The following DYDC2 variants were observed in gnomAD, a reference collection of about 807,000 sequenced individuals.
DYDC2 encodes the protein DPY30 domain-containing protein 2.
A neutral mutation model predicts 18.7 loss-of-function variants in DYDC2; 19 were observed. The observed-to-expected ratio is 1.02, with a 90% CI of 0.71 to 1.49. DYDC2 has a LOEUF of 1.49. Among genes scored for constraint, DYDC2 ranks in the 40% most tolerant of loss-of-function variants. The pLI, the probability that DYDC2 is intolerant of heterozygous loss-of-function variation, is 0.00. For synonymous variants in DYDC2, 63 were observed against 67.6 expected (o/e 0.93, Z 0.34); for missense variants, 179 against 205.1 (o/e 0.87, Z 0.78).
chr10:80,359,988 C>T (rs1325047767), intron 2 of DYDC2, among the ~76,000 whole-genome samples: 1 of 152,206 alleles, frequency 6.6e-6, no homozygotes, highest in Non-Finnish European at 1.5e-5. Flanking sequence ...GGCACCAAGG[C>T]CGAGGAGGTG....
At chr10:80,364,099 A>T (rs1436119409) in intron 4 of DYDC2, among the ~76,000 whole-genome samples, 2 of 152,082 alleles carry the variant, frequency 1.3e-5, no homozygotes, top group Non-Finnish European at 2.9e-5. Flanking sequence ...TGTGCATTAA[A>T]GTCTTTAATG....
chr10:80,345,742 T>C (rs1014060023), intron 1 of DYDC2, among the ~76,000 whole-genome samples: 7 of 152,210 alleles, frequency 4.6e-5, no homozygotes, highest in African/African-American at 1.7e-4. Context: ...GTTTCATCCA[T>C]GTCATCACAA....
At chr10:80,361,291 A>G (rs1392209062) in intron 2 of DYDC2, among the ~76,000 whole-genome samples, 1 of 152,158 alleles carries the variant, frequency 6.6e-6, no homozygotes, top group African/African-American at 2.4e-5. Context: ...TGTTTTATGT[A>G]CCATAAGAAG....
rs192594689 is a variant in DYDC2 at position 80,346,686 on chromosome 10, T to A, written c.-310+1871T>A. 5.9e-4 allele frequency among the ~76,000 whole-genome samples: 89 copies of A among 151,544 alleles called. 2 individuals are homozygous for A. The highest frequency in any genetic ancestry group is 2.1e-3 in the African/African-American group (88 of 41,342). On this transcript the variant is annotated intron_variant, in intron 1 of 4. Transcript: ENST00000372197. ...CATGTTAGCTAGGATGGTCTCAATC[T>A]CCTGACTTTGTGATCTGCCCGCCTC...
intron 4 of DYDC2, among the ~76,000 whole-genome samples, chr10:80,365,000 TTGG>T (rs1843782868): frequency 6.6e-6 from 1 of 152,236 alleles, no homozygotes. Context: ...CTCCTTGCTA[TTGG>T]TCACCTTCAC....
At chr10:80,358,427 C>A (rs1468319568) in intron 2 of DYDC2, among the ~76,000 whole-genome samples, 1 of 152,220 alleles carries the variant, frequency 6.6e-6, no homozygotes, top group African/African-American at 2.4e-5. Context: ...CTCCAGCCCT[C>A]AGATTATGGC....
chr10:80,359,842 AC>A (rs1843609535), intron 2 of DYDC2, among the ~76,000 whole-genome samples: 1 of 151,998 alleles, frequency 6.6e-6, no homozygotes, highest in Non-Finnish European at 1.5e-5. Flanking sequence ...CGAGTGCCAC[AC>A]GCGGCCCCAT....
chr10:80,349,786 A>G (rs1842880558), intron 1 of DYDC2, among the ~76,000 whole-genome samples: 2 of 152,228 alleles, frequency 1.3e-5, no homozygotes, highest in South Asian at 4.1e-4. Context: ...TTCCTCACAC[A>G]TGAGCAAAAC....
rs993718463 is a variant in DYDC2 at position 80,366,653 on chromosome 10, A to C, written c.271-35A>C. 1.9e-6 allele frequency: 3 copies of C among 1,567,712 alleles called. No homozygotes were observed. In the African/African-American group the frequency reaches 4.1e-5, roughly 22 times the overall value. On this transcript the variant is annotated intron_variant, in intron 4 of 4. Coordinates refer to ENST00000256039, the MANE Select transcript of DYDC2 (RefSeq NM_032372.6). The stretch of plus-strand genomic sequence containing the variant: ...TACATCTTGTGTGCTTTAGTCTCTA[A>C]TAATAAGTTTTCGGCTTTTTTGTTT...
chr10:80,345,937 G>A (rs1842593927), intron 1 of DYDC2, among the ~76,000 whole-genome samples: 1 of 152,050 alleles, frequency 6.6e-6, no homozygotes, highest in African/African-American at 2.4e-5. Flanking sequence ...AACCTCCAGG[G>A]CTCAATTAAT....
At chr10:80,352,187 T>G (rs753647822), upstream of DYDC2, among the ~76,000 whole-genome samples, 1 of 152,208 alleles carries the variant, frequency 6.6e-6, no homozygotes, top group Admixed American at 6.5e-5. Flanking sequence ...AATATTAAAG[T>G]TATACATTGT....
At chr10:80,351,842 C>A, upstream of DYDC2, 1 of 1,490,592 alleles carries the variant, frequency 6.7e-7, no homozygotes, top group African/African-American at 1.4e-5. Flanking sequence ...TTAGGCTGTG[C>A]CATGCTGAGG....
intron 1 of DYDC2, 136 bp downstream of exon 1, chr10:80,356,961 T>G (rs1589528014): frequency 7.7e-5 from 42 of 544,248 alleles, no homozygotes; most frequent in South Asian, 8.9e-5. Context: ...GGAGGGGGCG[T>G]GCAGGAGTAG....
upstream of DYDC2, chr10:80,351,978 C>G: frequency 6.2e-7 from 1 of 1,614,158 alleles, no homozygotes. Flanking sequence ...CTTTCACGCT[C>G]CAGCTTGGCC....
In DYDC2 at chr10:80,367,005, A is replaced by T; in HGVS notation, c.*54A>T. 1 of 1,551,322 alleles carries T rather than the reference A, an allele frequency of 6.4e-7. No homozygotes were observed. The highest frequency in any genetic ancestry group is 8.7e-7 in the Non-Finnish European group (1 of 1,153,716). On this transcript the variant is annotated 3_prime_UTR_variant, in exon 5 of 5. Transcript: ENST00000256039. ...CTTCTCTCAAAGCTAGAAGCCAAGA[A>T]AATGGCCAGCTAGAACCAAGATTTA...
At chr10:80,358,406 G>C (rs1564671528) in intron 2 of DYDC2, among the ~76,000 whole-genome samples, 1 of 152,114 alleles carries the variant, frequency 6.6e-6, no homozygotes, top group African/African-American at 2.4e-5. Flanking sequence ...GCATCCCCTT[G>C]ACTCCTTCCC....
At chr10:80,358,521 G>C (rs567450447) in intron 2 of DYDC2, among the ~76,000 whole-genome samples, 1 of 152,280 alleles carries the variant, frequency 6.6e-6, no homozygotes, top group African/African-American at 2.4e-5. Flanking sequence ...TTGAAAATGG[G>C]CAATTTAGAG....
Position 80,366,961 on chromosome 10 carries a change from G to T in DYDC2, c.*10G>T. 1 of 1,599,362 alleles carries T rather than the reference G, an allele frequency of 6.3e-7. No homozygotes were observed. ...CAAATCTCCTTTTTAGGTTACAGAA[G>T]GTAGATGCTTCTGATTTACTTCTCT... On this transcript the variant is annotated 3_prime_UTR_variant, in exon 5 of 5. Transcript: ENST00000256039.
chr10:80,357,785 G>A, intron 1 of DYDC2, 108 bp from the exon 2 acceptor site: 1 of 985,638 alleles, frequency 1.0e-6, no homozygotes, highest in Non-Finnish European at 1.2e-6. Flanking sequence ...GGCCTTAATA[G>A]ATGTTAGTTG....
Sources: gnomAD v4.1 joint callset for allele counts (sites outside exome capture counted in the v4.1 genomes callset) on GRCh38, gnomAD v4.1.1 for gene constraint, MANE v1.5 for transcripts, NCBI Gene and HGNC (gene_info 2026-07-23, HGNC 2026-07-21) for gene names.